The following ZNF385C variants were observed in gnomAD, a reference collection of about 807,000 sequenced individuals.
ZNF385C encodes the protein CTD-2132N18.2.
ZNF385C carries 28 observed loss-of-function variants against 35.4 expected under a neutral mutation model. That is an observed-to-expected ratio of 0.79 (90% CI 0.59 to 1.08). ZNF385C has a LOEUF of 1.08. ZNF385C is among the 50% of genes least tolerant of loss of function. ZNF385C has a pLI of 0.00. For synonymous variants in ZNF385C, 248 were observed against 248.2 expected (o/e 1.00, Z 0.01); for missense variants, 605 against 595.6 (o/e 1.02, Z -0.16).
chr17:42,073,258 G>C (rs1156725921), intron 1 of ZNF385C, among the ~76,000 whole-genome samples: 1 of 152,054 alleles, frequency 6.6e-6, no homozygotes, highest in Non-Finnish European at 1.5e-5. Flanking sequence ...CCAACATGGT[G>C]AAACCCTGTC....
intron 1 of ZNF385C, among the ~76,000 whole-genome samples, chr17:42,093,064 C>T (rs552825123): frequency 2.6e-5 from 4 of 152,354 alleles, no homozygotes; most frequent in African/African-American, 9.6e-5. Context: ...AATAAACAAA[C>T]AGCCAACACA....
At chr17:42,058,946 C>T (rs1012144643) in intron 2 of ZNF385C, among the ~76,000 whole-genome samples, 42 of 152,326 alleles carry the variant, frequency 2.8e-4, no homozygotes, top group African/African-American at 8.2e-4. Flanking sequence ...CATGAGCCAC[C>T]GCGCCTGACC....
At chr17:42,084,141 C>T (rs1310760549) in intron 1 of ZNF385C, among the ~76,000 whole-genome samples, 2 of 151,478 alleles carry the variant, frequency 1.3e-5, no homozygotes, top group East Asian at 3.9e-4. Flanking sequence ...GCCAGGAGTC[C>T]CAGACTAGTC....
At chr17:42,046,055 G>C (rs2053153639) in intron 2 of ZNF385C, among the ~76,000 whole-genome samples, 1 of 152,148 alleles carries the variant, frequency 6.6e-6, no homozygotes, top group Non-Finnish European at 1.5e-5. Flanking sequence ...CATTGCCTGA[G>C]AGCAGCTCAG....
chr17:42,078,404 A>G (rs1256035817), intron 1 of ZNF385C, among the ~76,000 whole-genome samples: 1 of 151,454 alleles, frequency 6.6e-6, no homozygotes, highest in Non-Finnish European at 1.5e-5. Context: ...CCTTCTTTCC[A>G]TTAAGAAAAA....
chr17:42,050,916 T>A lies in ZNF385C; in HGVS notation c.250+11891A>T, dbSNP rs902633183. ...GCTCACAGCCTAAGCCACAGACAGG[T>A]AGAGCGCGGTAGAGGCTGCAAAGTG... On this transcript the variant is annotated intron_variant, in intron 2 of 8. Coordinates refer to ENST00000692273, the MANE Select transcript of ZNF385C (RefSeq NM_001392013.1). The surrounding 1 kb of genome is among the most constrained non-coding windows in gnomAD (Gnocchi z 5.6). Among the ~76,000 whole-genome samples the A allele has an allele frequency of 2.0e-5, 3 of 151,770 alleles. No individual in the cohort carries two copies. Among genetic ancestry groups the A allele is most frequent in the African/African-American group, 7.3e-5 (3 of 41,316 alleles).
intron 1 of ZNF385C, among the ~76,000 whole-genome samples, chr17:42,088,245 T>C (rs2053829591): frequency 6.6e-6 from 1 of 152,244 alleles, no homozygotes; most frequent in African/African-American, 2.4e-5. Flanking sequence ...ATGAGGAGAC[T>C]GAGGACCCGG....
chr17:42,040,823 G>A, intron 2 of ZNF385C: 2 of 1,232,282 alleles, frequency 1.6e-6, no homozygotes, highest in Non-Finnish European at 2.0e-6. Context: ...GGGGGCTCAG[G>A]ATCTGTCCGG....
intron 3 of ZNF385C, among the ~76,000 whole-genome samples, chr17:42,034,916 C>T (rs1555655290): frequency 6.6e-6 from 1 of 151,414 alleles, no homozygotes; most frequent in East Asian, 1.9e-4. Context: ...CACCTGAGGT[C>T]AGGAGTTCAA....
intron 2 of ZNF385C, chr17:42,043,646 G>A: frequency 3.3e-6 from 1 of 304,184 alleles, no homozygotes. Flanking sequence ...GCTTCATGCT[G>A]CCCACAGAGT....
rs1472937973 is a variant in ZNF385C, at chr17:42,093,245, C to T, written c.-3+5165G>A. Among the ~76,000 whole-genome samples, 3 of 93,616 alleles carry T rather than the reference C, an allele frequency of 3.2e-5. 1 individual carries two copies. The South Asian group carries it at 1.0e-3, about 31-fold the overall frequency. The allele number at this position is 93,616 out of a possible 152,430, so 61.4% of individuals were successfully genotyped here. On this transcript the variant is annotated intron_variant, in intron 1 of 8. Transcript: ENST00000692273. ...TGGTTTGGAGCAGGAAGCTGGGGCC[C>T]GGGGTGGGTGGGCTGAGCTTGACTG...
rs535888327 is a variant in ZNF385C, at chr17:42,048,071, G to A, written c.251-10186C>T. Among the ~76,000 whole-genome samples, 122 of 151,906 alleles carry A rather than the reference G, an allele frequency of 8.0e-4. 2 individuals are homozygous for A. Among genetic ancestry groups the A allele is most frequent in the Admixed American group, 7.3e-3 (111 of 15,252 alleles). ...TTCCTTCCTCTGTCCATCACTCCTT[G>A]GCCTCTGGAGGTCATCTCCTCCCCC... On this transcript the variant is annotated intron_variant, in intron 2 of 8. Coordinates refer to ENST00000692273, the MANE Select transcript of ZNF385C (RefSeq NM_001392013.1).
At chr17:42,068,426 C>T (rs1338019986) in intron 1 of ZNF385C, among the ~76,000 whole-genome samples, 1 of 151,246 alleles carries the variant, frequency 6.6e-6, no homozygotes, top group Non-Finnish European at 1.5e-5. Context: ...TCTTCGCCCC[C>T]CAGCTGCTTA....
chr17:42,031,601 G>C lies in ZNF385C; in HGVS notation c.676+18C>G, dbSNP rs948626150. 2 of 1,530,472 alleles carry C rather than the reference G, an allele frequency of 1.3e-6. No individual in the cohort carries two copies. The highest frequency in any genetic ancestry group is 4.9e-5 in the East Asian group (2 of 40,486). The allele number at this position is 1,530,472 out of a possible 1,614,324, so 94.8% of individuals were successfully genotyped here. The stretch of plus-strand genomic sequence containing the variant: ...ATTTGGAGTGGAGACGTGGGAAAGA[G>C]AAGAGCTCAGGACTGACCTTTACTC... On this transcript the variant is annotated intron_variant, in intron 5 of 8. Transcript: ENST00000692273.
At chr17:42,078,343 G>C (rs1432919214) in intron 1 of ZNF385C, among the ~76,000 whole-genome samples, 1 of 151,872 alleles carries the variant, frequency 6.6e-6, no homozygotes, top group Non-Finnish European at 1.5e-5. Flanking sequence ...GGGTCTCCTG[G>C]TCCAGGTCCT....
chr17:42,049,729 T>C (rs1555656943), intron 2 of ZNF385C, among the ~76,000 whole-genome samples: 2 of 152,244 alleles, frequency 1.3e-5, no homozygotes, highest in African/African-American at 4.8e-5. Context: ...ATCCTGCCCA[T>C]TCTGCAGAAC....
At chr17:42,056,899 G>T (rs2053384485) in intron 2 of ZNF385C, among the ~76,000 whole-genome samples, 1 of 152,040 alleles carries the variant, frequency 6.6e-6, no homozygotes, top group Admixed American at 6.5e-5. Flanking sequence ...TTTGTAAACT[G>T]CCCAGTCTCT....
intron 1 of ZNF385C, among the ~76,000 whole-genome samples, chr17:42,064,713 C>T (rs568163891): frequency 3.3e-5 from 5 of 152,142 alleles, no homozygotes; most frequent in South Asian, 2.1e-4. Flanking sequence ...TACAGGTGTC[C>T]GCCACCACGC....
intron 1 of ZNF385C, among the ~76,000 whole-genome samples, chr17:42,090,000 T>C (rs1267272246): frequency 6.6e-6 from 1 of 152,208 alleles, no homozygotes; most frequent in African/African-American, 2.4e-5. Flanking sequence ...GGTCAAAATA[T>C]CCGTAGTGGT....
Sources: gnomAD v4.1 joint callset for allele counts (sites outside exome capture counted in the v4.1 genomes callset) on GRCh38, gnomAD v4.1.1 for gene constraint, Gnocchi (gnomAD v3.1) non-coding constraint, MANE v1.5 for transcripts, NCBI Gene and HGNC (gene_info 2026-07-23, HGNC 2026-07-21) for gene names.